The following PLXNA4 variants were observed in gnomAD, a reference collection of about 807,000 sequenced individuals.
PLXNA4 encodes plexin-A4.
A neutral mutation model predicts 191.8 loss-of-function variants in PLXNA4; 44 were observed. The ratio of observed to expected loss-of-function variants is 0.23; its 90% CI spans 0.18 to 0.29. PLXNA4 has a LOEUF of 0.29. Among genes scored for constraint, PLXNA4 ranks in the 10% least tolerant of loss-of-function variants. The pLI, the probability that PLXNA4 is intolerant of heterozygous loss-of-function variation, is 1.00. For missense variants in PLXNA4, 1,800 were observed against 2,488.8 expected (o/e 0.72, Z 5.89); for synonymous variants, 1,082 against 1,009.5 (o/e 1.07, Z -1.36).
At chr7:132,581,291 T>C (rs1011394748), upstream of PLXNA4, among the ~76,000 whole-genome samples, 38 of 152,332 alleles carry the variant, frequency 2.5e-4, no homozygotes, top group African/African-American at 7.5e-4. Context: ...CAGGGCCTAC[T>C]AGTAAGTTGA....
intron 4 of PLXNA4, 62 bp downstream of exon 4, chr7:132,298,029 C>G (rs886686315): frequency 1.2e-6 from 2 of 1,605,820 alleles, no homozygotes; most frequent in African/African-American, 2.7e-5. Context: ...AAGGTTTGTA[C>G]TGAGCCACAG....
At chr7:132,368,204 A>G (rs1015444642) in intron 3 of PLXNA4, among the ~76,000 whole-genome samples, 3 of 152,180 alleles carry the variant, frequency 2.0e-5, no homozygotes, top group African/African-American at 7.2e-5. Flanking sequence ...CTCCATAAGA[A>G]GGGAGAACGA....
intron 3 of PLXNA4, chr7:132,385,341 A>C: frequency 1.3e-6 from 2 of 1,565,404 alleles, no homozygotes; most frequent in South Asian, 2.5e-5. Context: ...GGTGCACAAG[A>C]TATGCCCATA....
intron 3 of PLXNA4, among the ~76,000 whole-genome samples, chr7:132,342,215 C>T (rs1803056864): frequency 6.7e-6 from 1 of 148,714 alleles, no homozygotes; most frequent in East Asian, 2.0e-4. Flanking sequence ...AAAAATAAAG[C>T]CTGTAAGACA....
At position 132,203,308 on chromosome 7, in the gene PLXNA4, C is replaced by T. The variant is rs1797505062; in HGVS notation, c.2395+15G>A. 3.5e-6 allele frequency: 5 copies of T among 1,412,208 alleles called. No homozygotes were observed. The highest frequency in any genetic ancestry group is 1.9e-5 in the Admixed American group (1 of 52,936). The allele number at this position is 1,412,208 out of a possible 1,614,324, so 87.5% of individuals were successfully genotyped here. ...CTTCCCCTCCCTCCCCTGCTAGGCC[C>T]CAGCCCTTCCACACCTTTATTCTGA... is the stretch of plus-strand genomic sequence containing the variant. On this transcript the variant is annotated intron_variant, in intron 11 of 31. Transcript: ENST00000321063.
In PLXNA4 at chr7:132,514,480, T is replaced by C. The variant is rs111532984; in HGVS notation, c.-86-5701A>G. On this transcript the variant is annotated intron_variant, in intron 1 of 31. Transcript: ENST00000321063. ...ACTTGGCTGGGCCACGGTGCCCAGA[T>C]AGTTGGTCAAACATTATTCTGGAAG... Among the ~76,000 whole-genome samples the C allele has an allele frequency of 6.3e-4, 96 of 152,320 alleles. 1 individual carries two copies. The Middle Eastern group carries it at 0.014, about 22-fold the overall frequency.
chr7:132,516,133 C>T (rs1327403978), intron 1 of PLXNA4, among the ~76,000 whole-genome samples: 1 of 152,176 alleles, frequency 6.6e-6, no homozygotes, highest in African/African-American at 2.4e-5. Context: ...TTGAGCCAGT[C>T]AATTCAAACA....
At chr7:132,208,862 G>C (rs1271500123) in intron 10 of PLXNA4, among the ~76,000 whole-genome samples, 1 of 152,164 alleles carries the variant, frequency 6.6e-6, no homozygotes, top group Non-Finnish European at 1.5e-5. Context: ...CCACCTGCCT[G>C]GTGCTGCGGA....
intron 4 of PLXNA4, among the ~76,000 whole-genome samples, chr7:132,241,492 CT>C (rs1798876592): frequency 6.6e-6 from 1 of 152,206 alleles, no homozygotes; most frequent in African/African-American, 2.4e-5. Context: ...CCAAATATCT[CT>C]ACAAATGGCC....
intron 1 of PLXNA4, among the ~76,000 whole-genome samples, chr7:132,520,428 AGCAGGAGGC>A (rs1799129551): frequency 6.6e-6 from 1 of 152,190 alleles, no homozygotes; most frequent in Non-Finnish European, 1.5e-5. Context: ...CTGGGTCCGC[AGCAGGAGGC>A]CAGCAGGAGG....
chr7:132,597,718 A>G (rs530850684), intron 2 of PLXNA4, among the ~76,000 whole-genome samples: 16 of 152,152 alleles, frequency 1.1e-4, no homozygotes, highest in Non-Finnish European at 2.2e-4. Flanking sequence ...CATTCTTGTA[A>G]AATATGTGTA....
chr7:132,500,475 G>A (rs538771261), intron 2 of PLXNA4, among the ~76,000 whole-genome samples: 1 of 152,050 alleles, frequency 6.6e-6, no homozygotes, highest in Non-Finnish European at 1.5e-5. Context: ...AGAAGAAGGA[G>A]GGGGAGGGGA....
At chr7:132,272,770 T>G (rs1347318664) in intron 4 of PLXNA4, among the ~76,000 whole-genome samples, 1 of 152,206 alleles carries the variant, frequency 6.6e-6, no homozygotes, top group African/African-American at 2.4e-5. Flanking sequence ...GTAATGCTGT[T>G]CCTTCTGCTG....
At chr7:132,274,335 C>T (rs895303048) in intron 4 of PLXNA4, among the ~76,000 whole-genome samples, 1 of 151,676 alleles carries the variant, frequency 6.6e-6, no homozygotes, top group Non-Finnish European at 1.5e-5. Flanking sequence ...TTTGGACTTA[C>T]AAAAAAGTTA....
chr7:132,594,590 C>T (rs141438455), intron 2 of PLXNA4, among the ~76,000 whole-genome samples: 5 of 152,336 alleles, frequency 3.3e-5, no homozygotes, highest in South Asian at 2.1e-4. Context: ...CCCGCAACTT[C>T]GTGGCAGCAC....
At chr7:132,443,879 C>A (rs750701412) in intron 3 of PLXNA4, among the ~76,000 whole-genome samples, 2 of 152,218 alleles carry the variant, frequency 1.3e-5, no homozygotes, top group Non-Finnish European at 2.9e-5. Context: ...TAATAATAGA[C>A]CAATCCCATC....
intron 14 of PLXNA4, among the ~76,000 whole-genome samples, chr7:132,191,388 G>A (rs1182378262): frequency 6.6e-6 from 1 of 152,188 alleles, no homozygotes; most frequent in African/African-American, 2.4e-5. Context: ...CAAGAGAGGA[G>A]GATGCACTCT....
intron 4 of PLXNA4, among the ~76,000 whole-genome samples, chr7:132,292,814 A>G (rs1386023353): frequency 2.0e-5 from 3 of 152,214 alleles, no homozygotes; most frequent in Non-Finnish European, 4.4e-5. Flanking sequence ...GAAGAAGTCA[A>G]GATTCCAGGG....
chr7:132,429,083 T>G (rs1795165947), intron 3 of PLXNA4, among the ~76,000 whole-genome samples: 1 of 152,106 alleles, frequency 6.6e-6, no homozygotes, highest in South Asian at 2.1e-4. Flanking sequence ...CAGACCTCTC[T>G]GTGGAATAGC....
Sources: allele counts gnomAD v4.1 joint callset (sites outside exome capture counted in the v4.1 genomes callset), GRCh38; gene constraint gnomAD v4.1.1; transcripts MANE v1.5; gene names NCBI Gene and HGNC (gene_info 2026-07-23, HGNC 2026-07-21).